Variants in NRXN3 observed in about 807,000 individuals in gnomAD.
The protein encoded by NRXN3 is neurexin III.
In NRXN3, 32 loss-of-function variants were observed where a neutral mutation model predicts 137.6. That is an observed-to-expected ratio of 0.23 (90% confidence interval 0.18 to 0.31). NRXN3 has a LOEUF of 0.31. NRXN3 is among the 10% of genes least tolerant of loss of function. The pLI, the probability that NRXN3 is intolerant of heterozygous loss-of-function variation, is 1.00. For synonymous variants in NRXN3, 798 were observed against 784.5 expected, an observed-to-expected ratio of 1.02 and a Z score of -0.29; for missense variants, 1,574 against 2,062.5, an observed-to-expected ratio of 0.76 and a Z score of 4.59.
At chr14:78,892,811 T>TGTGTGG (rs1555555064) in intron 10 of NRXN3, among the ~76,000 whole-genome samples, 1 of 149,972 alleles carries the variant, frequency 6.7e-6, no homozygotes, top group Admixed American at 6.6e-5. Flanking sequence ...TGTGTGTGTG[T>TGTGTGG]GGTGTTTGCT....
chr14:78,525,062 TG>T (rs1208638735), intron 4 of NRXN3, among the ~76,000 whole-genome samples: 1 of 152,252 alleles, frequency 6.6e-6, no homozygotes, highest in Non-Finnish European at 1.5e-5. Context: ...CTAGTTTCCT[TG>T]TATTTTTGAG....
intron 19 of NRXN3, among the ~76,000 whole-genome samples, chr14:79,734,402 C>G (rs2098934889): frequency 6.6e-6 from 1 of 152,124 alleles, no homozygotes; most frequent in African/African-American, 2.4e-5. Context: ...GACAAGACAG[C>G]TTGGTTGATA....
intron 15 of NRXN3, among the ~76,000 whole-genome samples, chr14:79,025,135 A>G (rs990042941): frequency 2.6e-5 from 4 of 152,210 alleles, no homozygotes; most frequent in African/African-American, 7.2e-5. Context: ...CTTTCTTGGC[A>G]ATGTCCTGAT....
intron 4 of NRXN3, among the ~76,000 whole-genome samples, chr14:78,470,819 G>T (rs77277591): frequency 0.017 from 2,574 of 152,106 alleles, 71 homozygotes; most frequent in African/African-American, 0.06. Flanking sequence ...TTTTATATGC[G>T]ATCCTCACAA....
intron 19 of NRXN3, among the ~76,000 whole-genome samples, chr14:79,782,047 A>G (rs901538600): frequency 1.3e-5 from 2 of 152,168 alleles, no homozygotes; most frequent in Non-Finnish European, 2.9e-5. Context: ...AGTAGCTGAC[A>G]ACCTTTGGAT....
intron 15 of NRXN3, among the ~76,000 whole-genome samples, chr14:79,442,509 G>A (rs1429973467): frequency 6.6e-6 from 1 of 152,106 alleles, no homozygotes; most frequent in Non-Finnish European, 1.5e-5. Context: ...AAAAACTTTT[G>A]CTATAACCTT....
intron 4 of NRXN3, among the ~76,000 whole-genome samples, chr14:78,301,618 A>C (rs1420109729): frequency 6.6e-6 from 1 of 152,196 alleles, no homozygotes; most frequent in East Asian, 1.9e-4. Flanking sequence ...TCCAGCCCCT[A>C]TCTCAATGAG....
intron 1 of NRXN3, among the ~76,000 whole-genome samples, chr14:78,218,091 A>G (rs1351837691): frequency 6.6e-6 from 1 of 152,022 alleles, no homozygotes; most frequent in Admixed American, 6.6e-5. Context: ...TACTTATGTG[A>G]TTTCTTTTAA....
At chr14:78,640,568 T>C (rs2152564206) in intron 4 of NRXN3, among the ~76,000 whole-genome samples, 1 of 152,292 alleles carries the variant, frequency 6.6e-6, no homozygotes, top group South Asian at 2.1e-4. Context: ...ATTATATAAA[T>C]TATAAGTTGG....
At chr14:78,442,113 A>G (rs1330954807) in intron 4 of NRXN3, among the ~76,000 whole-genome samples, 2 of 151,736 alleles carry the variant, frequency 1.3e-5, no homozygotes, top group Non-Finnish European at 2.9e-5. Context: ...AAAAAAAAAA[A>G]AAAAGGTTAG....
intron 4 of NRXN3, among the ~76,000 whole-genome samples, chr14:78,482,698 C>A (rs17107733): frequency 0.021 from 3,223 of 152,252 alleles, 99 homozygotes; most frequent in African/African-American, 0.074. Context: ...AAAGAATAGA[C>A]AATACGACTA....
At chr14:79,610,217 A>G (rs1037665861) in intron 16 of NRXN3, among the ~76,000 whole-genome samples, 19 of 152,208 alleles carry the variant, frequency 1.2e-4, no homozygotes, top group African/African-American at 4.6e-4. Context: ...AACAAAATAA[A>G]GAAAAAACAA....
intron 16 of NRXN3, among the ~76,000 whole-genome samples, chr14:79,484,395 TCTTTA>T (rs2096636908): frequency 1.3e-5 from 2 of 152,306 alleles, no homozygotes; most frequent in South Asian, 4.1e-4. Flanking sequence ...CAGCTGGTAT[TCTTTA>T]AACCTCCTCC....
At chr14:78,494,427 T>G (rs1210108577) in intron 4 of NRXN3, among the ~76,000 whole-genome samples, 1 of 141,006 alleles carries the variant, frequency 7.1e-6, no homozygotes, top group Non-Finnish European at 1.5e-5. Context: ...AGGTGTTTTG[T>G]TTTTTTTTTT....
chr14:79,530,129 C>T (rs940859597), intron 16 of NRXN3, among the ~76,000 whole-genome samples: 4 of 152,178 alleles, frequency 2.6e-5, no homozygotes, highest in East Asian at 1.9e-4. Flanking sequence ...TTTATTAGCA[C>T]CTCTGAGTGT....
chr14:79,742,316 G>C (rs1487562873), intron 19 of NRXN3, among the ~76,000 whole-genome samples: 1 of 152,082 alleles, frequency 6.6e-6, no homozygotes, highest in African/African-American at 2.4e-5. Flanking sequence ...ATTGAATTGA[G>C]AGATGATTGC....
intron 15 of NRXN3, among the ~76,000 whole-genome samples, chr14:79,412,863 G>A (rs1599903540): frequency 6.6e-6 from 1 of 151,516 alleles, no homozygotes; most frequent in East Asian, 1.9e-4. Context: ...ATAAGAAGGG[G>A]CTAATACCAA....
intron 20 of NRXN3, among the ~76,000 whole-genome samples, chr14:79,851,454 T>G (rs1373254942): frequency 1.3e-5 from 2 of 152,126 alleles, no homozygotes; most frequent in East Asian, 3.9e-4. Flanking sequence ...ACTAAAAATC[T>G]TGGTACGGAC....
Position 78,714,779 on chromosome 14 carries a change from C to T in NRXN3, c.1684C>T (p.Arg562Cys). ...RSGTISVNSR[R>C]TPFTASGESE... ...AGGTACTATATCAGTGAACAGCAGG[C>T]GCACGCCATTCACCGCCAGTGGGGA... The change falls in exon 8 of 21, where the codon CGC becomes TGC. Residue 562 changes from arginine to cysteine, a missense_variant. Around this residue, in one of 5 missense-constraint regions of NRXN3, gnomAD observed 718 missense variants for 887.6 expected, o/e 0.81. Transcript: ENST00000335750. 2.5e-6 allele frequency: 4 copies of T among 1,613,990 alleles called. No individual in the cohort carries two copies. The highest frequency in any genetic ancestry group is 3.4e-6 in the Non-Finnish European group (4 of 1,179,932).
Sources: gnomAD v4.1 joint callset for allele counts (sites outside exome capture counted in the v4.1 genomes callset) on GRCh38, gnomAD v4.1.1 for gene constraint, gnomAD v4.1.1 regional missense constraint, MANE v1.5 for transcripts, NCBI Gene and HGNC (gene_info 2026-07-23, HGNC 2026-07-21) for gene names.